SLC9A9: variants seen among roughly 807,000 people sequenced by gnomAD.
SLC9A9 encodes sodium/hydrogen exchanger 9.
In SLC9A9, 62 loss-of-function variants were observed where a neutral mutation model predicts 77.8. The observed-to-expected ratio is 0.80, with a 90% CI of 0.65 to 0.98. The LOEUF (loss-of-function observed/expected upper bound fraction) is 0.98, where lower values mean the gene tolerates loss of function less well. Among genes scored for constraint, SLC9A9 ranks in the 50% least tolerant of loss-of-function variants. SLC9A9 has a pLI of 0.00. For missense variants in SLC9A9, 775 were observed against 774.9 expected (o/e 1.00, Z 0.00); for synonymous variants, 320 against 283.5 (o/e 1.13, Z -1.29).
intron 8 of SLC9A9, among the ~76,000 whole-genome samples, chr3:143,563,528 C>T (rs868852061): frequency 7.2e-5 from 11 of 152,200 alleles, no homozygotes; most frequent in Middle Eastern, 3.4e-3. Flanking sequence ...TGCATTGCCT[C>T]GTCCATTGCT....
chr3:143,282,222 G>A (rs1938241174), intron 14 of SLC9A9, among the ~76,000 whole-genome samples: 1 of 151,856 alleles, frequency 6.6e-6, no homozygotes, highest in African/African-American at 2.4e-5. Flanking sequence ...TTTATTCATG[G>A]TGGGGTTCCA....
At chr3:143,684,202 A>G (rs1260903194) in intron 5 of SLC9A9, among the ~76,000 whole-genome samples, 2 of 152,010 alleles carry the variant, frequency 1.3e-5, no homozygotes, top group Non-Finnish European at 2.9e-5. Flanking sequence ...TACTGTGCAG[A>G]ACTCAATGGG....
At chr3:143,602,340 G>C (rs935420472) in intron 6 of SLC9A9, among the ~76,000 whole-genome samples, 1 of 152,178 alleles carries the variant, frequency 6.6e-6, no homozygotes, top group Non-Finnish European at 1.5e-5. Context: ...CAAGAACTAG[G>C]TCAACACATT....
intron 4 of SLC9A9, among the ~76,000 whole-genome samples, chr3:143,785,888 G>A (rs2008039428): frequency 1.6e-5 from 2 of 123,624 alleles, no homozygotes; most frequent in South Asian, 2.5e-4. Context: ...ACGGAGTTTC[G>A]CTCTGTCGCC....
intron 12 of SLC9A9, among the ~76,000 whole-genome samples, chr3:143,422,944 A>T (rs533517849): frequency 8.5e-5 from 13 of 152,302 alleles, no homozygotes; most frequent in African/African-American, 3.1e-4. Flanking sequence ...GTTTAAGGTC[A>T]TAGACATATT....
chr3:143,498,450 A>G (rs115899838), intron 9 of SLC9A9, among the ~76,000 whole-genome samples: 1,726 of 152,212 alleles, frequency 0.011, 41 homozygotes, highest in African/African-American at 0.04. Flanking sequence ...GCTACTTGTG[A>G]GGCTGAGTCA....
At chr3:143,486,410 T>C (rs1180844042) in intron 11 of SLC9A9, among the ~76,000 whole-genome samples, 1 of 152,114 alleles carries the variant, frequency 6.6e-6, no homozygotes, top group Admixed American at 6.5e-5. Flanking sequence ...ATTAAAAAGC[T>C]AGTATTATTG....
At chr3:143,386,756 G>A (rs1370594661) in intron 12 of SLC9A9, among the ~76,000 whole-genome samples, 1 of 152,142 alleles carries the variant, frequency 6.6e-6, no homozygotes, top group Non-Finnish European at 1.5e-5. Context: ...AGCAGCCAGT[G>A]TACAGCAAGG....
intron 12 of SLC9A9, among the ~76,000 whole-genome samples, chr3:143,382,878 A>G (rs750077419): frequency 4.6e-5 from 7 of 152,218 alleles, no homozygotes; most frequent in South Asian, 2.1e-4. Context: ...GAATAAAAAG[A>G]TAAGGCAGTC....
At chr3:143,536,552 A>C (rs1402528132) in intron 9 of SLC9A9, among the ~76,000 whole-genome samples, 2 of 152,200 alleles carry the variant, frequency 1.3e-5, no homozygotes, top group African/African-American at 4.8e-5. Context: ...GAATCTGTGC[A>C]TCTTAAAGTG....
chr3:143,431,116 G>A lies in SLC9A9; in HGVS notation c.1469+35921C>T, dbSNP rs116020537. Reference sequence around the variant, plus strand: ...GGCTTTATAAAAGGCATCAGTCCTGGTGGTACTCAAGGCCTTTCACAGTCT... The same window carrying A: ...GGCTTTATAAAAGGCATCAGTCCTGATGGTACTCAAGGCCTTTCACAGTCT... On this transcript the variant is annotated intron_variant, in intron 12 of 15. Coordinates refer to ENST00000316549, the MANE Select transcript of SLC9A9 (RefSeq NM_173653.4). 3.5e-3 allele frequency among the ~76,000 whole-genome samples: 478 copies of A among 135,758 alleles called. 3 individuals carry two copies. The highest frequency in any genetic ancestry group is 0.012 in the African/African-American group (454 of 38,482). 89.1% of individuals were successfully genotyped at this position (135,758 alleles called of 152,430 possible).
chr3:143,617,405 G>A (rs564566194), intron 6 of SLC9A9, among the ~76,000 whole-genome samples: 24 of 152,170 alleles, frequency 1.6e-4, no homozygotes, highest in Non-Finnish European at 2.6e-4. Context: ...CCATTTACAC[G>A]AAAACATTGA....
At chr3:143,349,519 G>A (rs929400346) in intron 14 of SLC9A9, among the ~76,000 whole-genome samples, 1 of 152,204 alleles carries the variant, frequency 6.6e-6, no homozygotes, top group Non-Finnish European at 1.5e-5. Flanking sequence ...AAGTATAATA[G>A]TGTGAATCTC....
chr3:143,844,750 TTTCTTTC>T (rs2009791488), intron 1 of SLC9A9, among the ~76,000 whole-genome samples: 1 of 148,158 alleles, frequency 6.7e-6, no homozygotes, highest in South Asian at 2.2e-4. Flanking sequence ...TCTTTCTTTC[TTTCTTTC>T]TTTCTTTCTT....
chr3:143,677,053 A>G (rs1281470399), intron 5 of SLC9A9, among the ~76,000 whole-genome samples: 1 of 152,194 alleles, frequency 6.6e-6, no homozygotes, highest in Non-Finnish European at 1.5e-5. Context: ...CCATTATTAC[A>G]TGGGACTGCA....
chr3:143,664,341 G>A (rs1266759270), intron 5 of SLC9A9, among the ~76,000 whole-genome samples: 1 of 152,152 alleles, frequency 6.6e-6, no homozygotes, highest in African/African-American at 2.4e-5. Flanking sequence ...AGTAAACATG[G>A]AAAGGAACAA....
At chr3:143,345,243 T>C (rs889161171) in intron 14 of SLC9A9, among the ~76,000 whole-genome samples, 5 of 152,144 alleles carry the variant, frequency 3.3e-5, no homozygotes, top group African/African-American at 4.8e-5. Context: ...TGGAATCACC[T>C]AGAAATAGAA....
In SLC9A9 at chr3:143,265,928, A is replaced by G; in HGVS notation, c.*774T>C. The G allele has an allele frequency of 3.2e-6, 2 of 634,206 alleles. No individual in the cohort carries two copies. Among genetic ancestry groups the G allele is most frequent in the Non-Finnish European group, 5.7e-6 (2 of 351,174 alleles). 39.3% of individuals were successfully genotyped at this position (634,206 alleles called of 1,614,324 possible). A position where few individuals can be genotyped will look rare whatever the true frequency, so the allele number is the denominator to read the frequency against. On this transcript the variant is annotated 3_prime_UTR_variant, in exon 16 of 16. Transcript: ENST00000316549. ...GCTGCACAGCCAAGAAGTGACTCACATGCAGGCAAGGACGGGAAGGCTTGT... is the reference window on the plus strand; with the variant it reads ...GCTGCACAGCCAAGAAGTGACTCACGTGCAGGCAAGGACGGGAAGGCTTGT...
chr3:143,472,307 A>G (rs1352074469), intron 11 of SLC9A9, among the ~76,000 whole-genome samples: 4 of 152,228 alleles, frequency 2.6e-5, no homozygotes, highest in Non-Finnish European at 5.9e-5. Context: ...TGATGAGGAA[A>G]AAGATTGCTA....
Sources: allele counts gnomAD v4.1 joint callset (sites outside exome capture counted in the v4.1 genomes callset), GRCh38; gene constraint gnomAD v4.1.1; transcripts MANE v1.5; gene names NCBI Gene and HGNC (gene_info 2026-07-23, HGNC 2026-07-21).